KIAA1958: variants seen among roughly 807,000 people sequenced by gnomAD.
KIAA1958 encodes KIAA1958, also known as uncharacterized protein KIAA1958.
In KIAA1958, 14 loss-of-function variants were observed where a neutral mutation model predicts 47.2. The observed-to-expected ratio is 0.30, with a 90% CI of 0.20 to 0.46. The LOEUF (loss-of-function observed/expected upper bound fraction) is 0.46, where lower values mean the gene tolerates loss of function less well. KIAA1958 is among the 20% of genes least tolerant of loss of function. The pLI, the probability that KIAA1958 is intolerant of heterozygous loss-of-function variation, is 1.00. For missense variants in KIAA1958, 803 were observed against 909.2 expected, an observed-to-expected ratio of 0.88 and a Z score of 1.50; for synonymous variants, 354 against 353.3, an observed-to-expected ratio of 1.00 and a Z score of -0.02.
At chr9:112,595,105 A>G (rs533016347) in intron 2 of KIAA1958, among the ~76,000 whole-genome samples, 13 of 152,366 alleles carry the variant, frequency 8.5e-5, no homozygotes, top group Admixed American at 2.6e-4. Context: ...GTGATACATA[A>G]ATAAACCTGT....
chr9:112,561,995 G>C (rs1166343390), intron 1 of KIAA1958, among the ~76,000 whole-genome samples: 1 of 152,200 alleles, frequency 6.6e-6, no homozygotes, highest in Admixed American at 6.5e-5. Flanking sequence ...AATGAGCCTT[G>C]TTTTATAATG....
At chr9:112,608,623 A>G (rs1412704143) in intron 2 of KIAA1958, among the ~76,000 whole-genome samples, 4 of 151,862 alleles carry the variant, frequency 2.6e-5, no homozygotes, top group Admixed American at 2.0e-4. Context: ...ACCGTTATCT[A>G]TACCAAAAAT....
At position 112,659,284 on chromosome 9, in the gene KIAA1958, G is replaced by A. The variant is rs1301988440; in HGVS notation, c.1366G>A (p.Glu456Lys). Reference protein sequence around the residue: ...ITKIPAVKLNELLENFYVTVK... With the variant: ...ITKIPAVKLNKLLENFYVTVK... Reference sequence around the variant, plus strand: ...TGAGATCCCTGCAGTGAAGTTGAACGAGCTGCTCGAGAACTTTTATGTCAC... The same window carrying A: ...TGAGATCCCTGCAGTGAAGTTGAACAAGCTGCTCGAGAACTTTTATGTCAC... The change falls in exon 4 of 4, where the codon GAG (glutamate) becomes AAG (lysine). Residue 456 changes from glutamate to lysine, a missense_variant. Physicochemically the swap from Glu to Lys is moderately conservative, Grantham distance 56. Coordinates refer to ENST00000337530, the MANE Select transcript of KIAA1958 (RefSeq NM_133465.4). The A allele has an allele frequency of 1.1e-5, 18 of 1,612,884 alleles. No individual in the cohort carries two copies. Among genetic ancestry groups the A allele is most frequent in the Admixed American group, 1.7e-5 (1 of 59,988 alleles).
intron 3 of KIAA1958, among the ~76,000 whole-genome samples, chr9:112,646,591 A>G (rs1301246159): frequency 1.3e-5 from 2 of 152,184 alleles, no homozygotes; most frequent in Non-Finnish European, 1.5e-5. Flanking sequence ...CTTGAAAGCC[A>G]GGGGTACTGG....
chr9:112,613,010 A>G (rs1836352668), intron 2 of KIAA1958, among the ~76,000 whole-genome samples: 1 of 152,202 alleles, frequency 6.6e-6, no homozygotes, highest in Non-Finnish European at 1.5e-5. Context: ...CAGAGTATAG[A>G]ATAGGATGTA....
At chr9:112,641,305 T>C (rs2995806) in intron 2 of KIAA1958, among the ~76,000 whole-genome samples, 109,464 of 149,208 alleles carry the variant, frequency 0.73, 41,114 homozygotes, top group Non-Finnish European at 0.83. Context: ...CTTTTTCCCT[T>C]ACAACTCTGA....
At chr9:112,655,196 A>G (rs1837128852) in intron 3 of KIAA1958, among the ~76,000 whole-genome samples, 1 of 152,196 alleles carries the variant, frequency 6.6e-6, no homozygotes, top group African/African-American at 2.4e-5. Context: ...TTTTTCAAAT[A>G]CTTTTCAAGT....
intron 1 of KIAA1958, among the ~76,000 whole-genome samples, chr9:112,491,011 AC>A (rs889661007): frequency 2.0e-5 from 3 of 152,358 alleles, no homozygotes; most frequent in African/African-American, 4.8e-5. Flanking sequence ...TCTGTCACCC[AC>A]GCTGGAATAC....
At chr9:112,538,675 A>G (rs746081380) in intron 1 of KIAA1958, among the ~76,000 whole-genome samples, 9 of 152,344 alleles carry the variant, frequency 5.9e-5, no homozygotes, top group Non-Finnish European at 8.8e-5. Flanking sequence ...TATTAGTAAT[A>G]TAAGGTGAAC....
intron 1 of KIAA1958, among the ~76,000 whole-genome samples, chr9:112,564,506 C>T (rs1047481816): frequency 2.6e-5 from 4 of 152,066 alleles, no homozygotes; most frequent in Non-Finnish European, 4.4e-5. Context: ...ACTGTTATTT[C>T]GTTATTAATT....
At position 112,527,615 on chromosome 9, in the gene KIAA1958, A is replaced by G. The variant is rs77677362; in HGVS notation, c.-25+40497A>G. On this transcript the variant is annotated intron_variant, in intron 1 of 3. Coordinates refer to ENST00000337530, the MANE Select transcript of KIAA1958 (RefSeq NM_133465.4). ...CTCTGTGCTGGGGGGAATTGTTTGA[A>G]GGGGTCAAGCGGTAAAATGGAAAAA... Among the ~76,000 whole-genome samples the G allele has an allele frequency of 5.6e-3, 854 of 152,204 alleles. 43 individuals carry two copies. The East Asian group carries it at 0.084, about 15-fold the overall frequency.
At chr9:112,510,921 T>C (rs1831003797) in intron 1 of KIAA1958, among the ~76,000 whole-genome samples, 1 of 152,122 alleles carries the variant, frequency 6.6e-6, no homozygotes, top group African/African-American at 2.4e-5. Context: ...AGGCAGCCAG[T>C]ATAAAATCCC....
intron 3 of KIAA1958, among the ~76,000 whole-genome samples, chr9:112,653,440 G>A (rs916320600): frequency 6.6e-6 from 1 of 152,178 alleles, no homozygotes; most frequent in African/African-American, 2.4e-5. Flanking sequence ...GAGTGAGTTA[G>A]CGTTTTGTAC....
intron 1 of KIAA1958, among the ~76,000 whole-genome samples, chr9:112,555,197 C>T (rs1291048658): frequency 4.6e-5 from 7 of 152,106 alleles, no homozygotes; most frequent in African/African-American, 1.4e-4. Context: ...AGGTGGTAGG[C>T]GTGGTTGCTT....
At chr9:112,626,288 C>T (rs1836608227) in intron 2 of KIAA1958, among the ~76,000 whole-genome samples, 1 of 152,068 alleles carries the variant, frequency 6.6e-6, no homozygotes, top group African/African-American at 2.4e-5. Context: ...AAACGTTTCA[C>T]AAATTTTTAT....
intron 1 of KIAA1958, among the ~76,000 whole-genome samples, chr9:112,518,016 T>G (rs1449303148): frequency 1.3e-5 from 2 of 152,308 alleles, no homozygotes; most frequent in East Asian, 1.9e-4. Flanking sequence ...TTCAAAAAGT[T>G]AAAAACATAC....
At chr9:112,511,937 A>G (rs1000133533) in intron 1 of KIAA1958, among the ~76,000 whole-genome samples, 1 of 152,200 alleles carries the variant, frequency 6.6e-6, no homozygotes, top group Non-Finnish European at 1.5e-5. Context: ...AAATGGATAA[A>G]TTTAATGAAC....
chr9:112,555,383 ATTGC>A (rs1835222807), intron 1 of KIAA1958, among the ~76,000 whole-genome samples: 1 of 152,216 alleles, frequency 6.6e-6, no homozygotes, highest in Non-Finnish European at 1.5e-5. Flanking sequence ...TAAGACAGAC[ATTGC>A]ACTATACAGA....
chr9:112,545,366 G>A (rs959387648), intron 1 of KIAA1958, among the ~76,000 whole-genome samples: 6 of 152,126 alleles, frequency 3.9e-5, no homozygotes, highest in Non-Finnish European at 8.8e-5. Context: ...GCTTATGTAT[G>A]AACTTAGGTA....
Sources: gnomAD v4.1 joint callset for allele counts (sites outside exome capture counted in the v4.1 genomes callset) on GRCh38, gnomAD v4.1.1 for gene constraint, MANE v1.5 for transcripts, NCBI Gene and HGNC (gene_info 2026-07-23, HGNC 2026-07-21) for gene names.